CSMD3: variants seen among roughly 807,000 people sequenced by gnomAD.
CSMD3 encodes the protein CUB and sushi domain-containing protein 3.
In CSMD3, 177 loss-of-function variants were observed where a neutral mutation model predicts 435.2. The ratio of observed to expected loss-of-function variants is 0.41; its 90% CI spans 0.36 to 0.46. CSMD3 has a LOEUF of 0.46. Ranked by LOEUF, CSMD3 falls within the 20% of genes least tolerant of loss-of-function variation. CSMD3 has a pLI of 0.34. For missense variants in CSMD3, 4,265 were observed against 4,504.6 expected, an observed-to-expected ratio of 0.95 and a Z score of 1.52; for synonymous variants, 1,656 against 1,520.5, an observed-to-expected ratio of 1.09 and a Z score of -2.07.
chr8:112,978,192 T>C (rs1190748999), intron 6 of CSMD3, among the ~76,000 whole-genome samples: 2 of 152,052 alleles, frequency 1.3e-5, no homozygotes, highest in Non-Finnish European at 2.9e-5. Context: ...TATAAACATA[T>C]GTTGGTAATT....
At chr8:113,088,918 T>C (rs2089905212) in intron 5 of CSMD3, among the ~76,000 whole-genome samples, 1 of 152,136 alleles carries the variant, frequency 6.6e-6, no homozygotes, top group Non-Finnish European at 1.5e-5. Context: ...CAAACTGGGA[T>C]TAAGGATTAC....
intron 50 of CSMD3, among the ~76,000 whole-genome samples, chr8:112,309,957 T>C (rs1014480339): frequency 6.6e-6 from 1 of 152,206 alleles, no homozygotes; most frequent in Non-Finnish European, 1.5e-5. Context: ...TTCTTGTTTA[T>C]TAACCTAGAG....
intron 1 of CSMD3, among the ~76,000 whole-genome samples, chr8:113,370,443 G>A (rs2094340324): frequency 6.6e-6 from 1 of 150,744 alleles, no homozygotes; most frequent in African/African-American, 2.4e-5. Flanking sequence ...GACAACTGTA[G>A]GATCAACGAA....
intron 15 of CSMD3, among the ~76,000 whole-genome samples, chr8:112,683,688 A>G (rs556285435): frequency 2.0e-5 from 3 of 152,148 alleles, no homozygotes; most frequent in Admixed American, 6.5e-5. Context: ...CAAGGTCTAC[A>G]TGTGTAAAAT....
At chr8:112,226,787 G>C (rs1302675891) in intron 70 of CSMD3, among the ~76,000 whole-genome samples, 1 of 152,094 alleles carries the variant, frequency 6.6e-6, no homozygotes, top group Admixed American at 6.5e-5. Context: ...GGGCCAACAA[G>C]CACATAAAAG....
chr8:112,541,839 A>C (rs1011536662), intron 27 of CSMD3, among the ~76,000 whole-genome samples: 1 of 152,016 alleles, frequency 6.6e-6, no homozygotes, highest in African/African-American at 2.4e-5. Context: ...AAGAAAAAAA[A>C]CTAGAGATCA....
chr8:113,018,927 C>G (rs1291211854), intron 6 of CSMD3, 140 bp downstream of exon 6: 1 of 687,720 alleles, frequency 1.5e-6, no homozygotes, highest in Non-Finnish European at 2.6e-6. Flanking sequence ...ACATTATTGT[C>G]TCAGCAACAG....
intron 50 of CSMD3, among the ~76,000 whole-genome samples, chr8:112,309,770 A>T (rs1821789367): frequency 6.6e-6 from 1 of 152,144 alleles, no homozygotes; most frequent in South Asian, 2.1e-4. Context: ...TTTGAAAGCT[A>T]TCCTTTTATG....
intron 5 of CSMD3, among the ~76,000 whole-genome samples, chr8:113,023,274 T>C (rs754693256): frequency 6.6e-6 from 1 of 152,066 alleles, no homozygotes; most frequent in Non-Finnish European, 1.5e-5. Context: ...CCAAATGTAA[T>C]GGCCTATCTA....
intron 5 of CSMD3, among the ~76,000 whole-genome samples, chr8:113,071,153 T>TA (rs199750722): frequency 7.4e-4 from 112 of 151,622 alleles, no homozygotes; most frequent in African/African-American, 2.3e-3. Flanking sequence ...TTTGCCCATT[T>TA]AAAAAAAAAT....
rs537710689 is a variant in CSMD3 at position 112,241,772 on chromosome 8, T to C, written c.10416A>G (p.Ile3472Met). The change falls in exon 66 of 71, where the codon ATA (isoleucine) becomes ATG (methionine). Residue 3472 changes from isoleucine (I) to methionine (M), a missense_variant. Ile to Met is a conservative substitution (Grantham distance 10). Coordinates refer to ENST00000297405, the MANE Select transcript of CSMD3 (RefSeq NM_198123.2). Reference protein sequence around the residue: ...KVPICEAGSKILVKDPRPALG... With the variant: ...KVPICEAGSKMLVKDPRPALG... ...GTGCAGGTCTAGGATCTTTCACCAA[T>C]ATTTTAGAACCAGCTATGAAAAGAA... The C allele has an allele frequency of 6.2e-7, 1 of 1,612,350 alleles. No homozygotes were observed. Among genetic ancestry groups the C allele is most frequent in the Non-Finnish European group, 8.5e-7 (1 of 1,178,594 alleles).
At chr8:112,291,819 T>A (rs769682934) in intron 55 of CSMD3, 124 bp from the exon 56 acceptor site, 2 of 651,672 alleles carry the variant, frequency 3.1e-6, no homozygotes, top group Non-Finnish European at 5.3e-6. Flanking sequence ...CAGATTCCAA[T>A]AATAAAATTA....
chr8:112,586,519 T>C (rs1345835393), intron 23 of CSMD3, among the ~76,000 whole-genome samples: 1 of 151,478 alleles, frequency 6.6e-6, no homozygotes, highest in East Asian at 1.9e-4. Context: ...TTTACACCGA[T>C]AGTCATTATC....
intron 2 of CSMD3, among the ~76,000 whole-genome samples, chr8:113,284,355 G>A (rs749121293): frequency 6.6e-6 from 1 of 152,074 alleles, no homozygotes; most frequent in East Asian, 1.9e-4. Flanking sequence ...GGAGAATATC[G>A]ATGCCATCTT....
chr8:113,339,887 G>C (rs774968417), intron 1 of CSMD3, among the ~76,000 whole-genome samples: 6 of 151,812 alleles, frequency 4.0e-5, no homozygotes, highest in African/African-American at 1.4e-4. Context: ...TGCTCACACC[G>C]TAAATTATAA....
At chr8:113,375,739 C>T (rs1413834869) in intron 1 of CSMD3, among the ~76,000 whole-genome samples, 1 of 151,838 alleles carries the variant, frequency 6.6e-6, no homozygotes, top group Non-Finnish European at 1.5e-5. Context: ...AACATAAAAT[C>T]GGAGTAGCTT....
At chr8:112,419,847 T>C (rs1411404761) in intron 32 of CSMD3, among the ~76,000 whole-genome samples, 5 of 152,168 alleles carry the variant, frequency 3.3e-5, no homozygotes, top group African/African-American at 1.2e-4. Flanking sequence ...TTCCCAGAAG[T>C]TGAGAATTAA....
At chr8:113,263,861 T>C (rs1369566598) in intron 3 of CSMD3, among the ~76,000 whole-genome samples, 1 of 151,854 alleles carries the variant, frequency 6.6e-6, no homozygotes, top group Admixed American at 6.6e-5. Context: ...ATAGTTATTA[T>C]TTCAAGTACT....
intron 6 of CSMD3, among the ~76,000 whole-genome samples, chr8:113,017,596 CA>C (rs2086515196): frequency 3.3e-5 from 5 of 151,914 alleles, no homozygotes; most frequent in Admixed American, 2.6e-4. Context: ...GAATTTCTGC[CA>C]TGCCATTGGC....
Sources: gnomAD v4.1 joint callset for allele counts (sites outside exome capture counted in the v4.1 genomes callset) on GRCh38, gnomAD v4.1.1 for gene constraint, MANE v1.5 for transcripts, NCBI Gene and HGNC (gene_info 2026-07-23, HGNC 2026-07-21) for gene names.